TACC1: variants seen among roughly 807,000 people sequenced by gnomAD.
TACC1 encodes transforming acidic coiled-coil containing protein 1.
Under a neutral mutation model 84.4 loss-of-function variants are expected in TACC1, and 48 were observed. That is an observed-to-expected ratio of 0.57 (90% CI 0.45 to 0.72). TACC1 has a LOEUF of 0.72. Ranked by LOEUF, TACC1 falls within the 30% of genes least tolerant of loss-of-function variation. The pLI, the probability that TACC1 is intolerant of heterozygous loss-of-function variation, is 0.00. For missense variants in TACC1, 920 were observed against 973.0 expected (o/e 0.95, Z 0.72); for synonymous variants, 372 against 376.3 (o/e 0.99, Z 0.13).
chr8:38,843,468 C>CA, intron 11 of TACC1, 73 bp downstream of exon 11: 1 of 1,109,104 alleles, frequency 9.0e-7, no homozygotes. Flanking sequence ...AACAAAATCA[C>CA]TGTTTCGCAA....
chr8:38,840,735 A>G (rs1831104108), intron 9 of TACC1: 1 of 153,374 alleles, frequency 6.5e-6, no homozygotes, highest in Admixed American at 6.5e-5. Context: ...GTTGCTGCAA[A>G]CACTGAGTTA....
At chr8:38,741,460 A>G (rs760606118) in intron 1 of TACC1, among the ~76,000 whole-genome samples, 5 of 152,308 alleles carry the variant, frequency 3.3e-5, no homozygotes, top group South Asian at 2.1e-4. Flanking sequence ...CGCCTGGCCC[A>G]TGCTGTTATT....
chr8:38,769,956 TGTGA>T (rs951263661), intron 3 of TACC1, among the ~76,000 whole-genome samples: 1 of 150,570 alleles, frequency 6.6e-6, no homozygotes, highest in African/African-American at 2.4e-5. Context: ...GGTGTGTGTG[TGTGA>T]GAGAGAGTGG....
At chr8:38,742,155 G>C (rs1034719578) in intron 1 of TACC1, among the ~76,000 whole-genome samples, 1 of 152,216 alleles carries the variant, frequency 6.6e-6, no homozygotes, top group Non-Finnish European at 1.5e-5. Flanking sequence ...CCTTGAAATG[G>C]AGGAACAAAG....
At chr8:38,811,075 G>A (rs1405845946) in intron 2 of TACC1, among the ~76,000 whole-genome samples, 3 of 151,318 alleles carry the variant, frequency 2.0e-5, no homozygotes, top group East Asian at 2.0e-4. Context: ...CCGGGATCAC[G>A]CTACAGTATT....
intron 3 of TACC1, among the ~76,000 whole-genome samples, chr8:38,776,236 C>T (rs1186124199): frequency 6.6e-6 from 1 of 152,174 alleles, no homozygotes. Flanking sequence ...CCACATCAGT[C>T]ATCTTTAAAA....
At chr8:38,798,111 TCTTTTTATTTTTCTTC>T (rs1587773639) in intron 2 of TACC1, among the ~76,000 whole-genome samples, 1 of 150,806 alleles carries the variant, frequency 6.6e-6, no homozygotes. Context: ...GGTTTGGGTC[TCTTTTTATTTTTCTTC>T]CTTTTTTTTT....
At chr8:38,845,515 A>AAT (rs548019987) in intron 11 of TACC1, among the ~76,000 whole-genome samples, 20 of 152,230 alleles carry the variant, frequency 1.3e-4, no homozygotes, top group Non-Finnish European at 2.6e-4. Context: ...TTTTTCCCTT[A>AAT]ATAGCATATC....
At chr8:38,753,392 C>T (rs530436443) in intron 3 of TACC1, among the ~76,000 whole-genome samples, 1 of 152,284 alleles carries the variant, frequency 6.6e-6, no homozygotes, top group Admixed American at 6.5e-5. Flanking sequence ...GTGTGAGCCA[C>T]CATGTCCAGC....
exon 3 of TACC1, chr8:38,745,327 G>T: frequency 1.9e-6 from 1 of 536,358 alleles, no homozygotes; most frequent in Admixed American, 3.6e-5. Flanking sequence ...ACACTCATCA[G>T]AGAAAAAGAA....
intron 1 of TACC1, among the ~76,000 whole-genome samples, chr8:38,736,489 G>A (rs1805987308): frequency 6.6e-6 from 1 of 152,092 alleles, no homozygotes; most frequent in South Asian, 2.1e-4. Flanking sequence ...GGTAGCACAC[G>A]CCTGTAGTCC....
chr8:38,842,298 AG>A lies in TACC1; in HGVS notation c.1974del (p.Thr659GlnfsTer3). 6.2e-7 allele frequency: 1 copy of A among 1,605,432 alleles called. No homozygotes were observed. Among genetic ancestry groups the A allele is most frequent in the Non-Finnish European group, 8.5e-7 (1 of 1,177,948 alleles). On this transcript the variant is annotated frameshift_variant, in exon 10 of 13. Transcript: ENST00000317827. LOFTEE classifies it high-confidence loss of function. ...TIAQMIEDEQ[R>X]TSMTSQKSFQ... ...CTTGTGATTCCCAGAAGATGAACAAAGGACAAGTATGACCTCTCAGAAGAGC... is the reference window on the plus strand; with the variant it reads ...CTTGTGATTCCCAGAAGATGAACAAAGACAAGTATGACCTCTCAGAAGAGC...
At position 38,820,251 on chromosome 8, in the gene TACC1, C is replaced by T; in HGVS notation, c.1007C>T (p.Ala336Val). Residue 336 changes from alanine (A) to valine (V), a missense_variant, in exon 3 of 13, where the codon GCC becomes GTC. Transcript: ENST00000317827. ...EDTGNIEARK[A>V]LPRKLGRKLG... is the part of the protein sequence containing the mutation. ...ACAGGAAACATAGAGGCCAGGAAAG[C>T]CCTTCCAAGGAAGCTTGGCAGGAAA... 1.2e-6 allele frequency: 2 copies of T among 1,614,096 alleles called. No homozygotes were observed. The highest frequency in any genetic ancestry group is 1.1e-5 in the South Asian group (1 of 91,078).
In TACC1 at chr8:38,776,744, C is replaced by T. The variant is rs149497868; in HGVS notation, c.27-11960C>T. Among the ~76,000 whole-genome samples the T allele has an allele frequency of 1.4e-4, 21 of 152,302 alleles. No individual in the cohort carries two copies. The East Asian group carries it at 4.1e-3, about 29-fold the overall frequency. On this transcript the variant is annotated intron_variant, in intron 3 of 14. Coordinates refer to the TACC1 transcript ENST00000518415. ...AGATTGTTGGATTAGGGATGCTCAACCTGTGTAGATTTATCATTTTTAAAA... is the reference window on the plus strand; with the variant it reads ...AGATTGTTGGATTAGGGATGCTCAATCTGTGTAGATTTATCATTTTTAAAA...
chr8:38,786,236 G>C (rs1817116683), upstream of TACC1, among the ~76,000 whole-genome samples: 1 of 152,176 alleles, frequency 6.6e-6, no homozygotes. Flanking sequence ...AGGTGCTTTG[G>C]TGGTTTTGAG....
chr8:38,763,767 T>C (rs1225009293), intron 3 of TACC1, among the ~76,000 whole-genome samples: 1 of 152,240 alleles, frequency 6.6e-6, no homozygotes, highest in Non-Finnish European at 1.5e-5. Context: ...AATATTGTTT[T>C]AATGCTTGCT....
rs756823366 is a variant in TACC1 at position 38,820,290 on chromosome 8, T to C, written c.1046T>C (p.Leu349Pro). ...CTTGGCAGGAAACTGGGTAGCACAC[T>C]GACTCCCAAGATACAAAAAGATGGC... ...RKLGRKLGST[L>P]TPKIQKDGIS... Residue 349 changes from leucine to proline, a missense_variant, in exon 3 of 13, where the codon CTG (leucine) becomes CCG (proline). Around this residue, in one of 2 missense-constraint regions of TACC1, gnomAD observed 762 missense variants for 747.3 expected, o/e 1.02. Transcript: ENST00000317827. 8.1e-6 allele frequency: 13 copies of C among 1,614,006 alleles called. No individual in the cohort carries two copies. The East Asian group carries it at 2.9e-4, about 36-fold the overall frequency.
intron 3 of TACC1, among the ~76,000 whole-genome samples, chr8:38,769,428 TGG>T (rs200661075): frequency 1.7e-5 from 2 of 117,346 alleles, no homozygotes; most frequent in Non-Finnish European, 1.7e-5. Flanking sequence ...CTGTATGAGG[TGG>T]GGGGGTGTGG....
intron 12 of TACC1, among the ~76,000 whole-genome samples, 196 bp from the exon 13 acceptor site, chr8:38,847,759 A>T (rs1832592284): frequency 6.6e-6 from 1 of 152,248 alleles, no homozygotes. Context: ...TACTCAATTT[A>T]AGCATGATTT....
Sources: gnomAD v4.1 joint callset for allele counts (sites outside exome capture counted in the v4.1 genomes callset) on GRCh38, gnomAD v4.1.1 for gene constraint, gnomAD v4.1.1 regional missense constraint, MANE v1.5 for transcripts, NCBI Gene and HGNC (gene_info 2026-07-23, HGNC 2026-07-21) for gene names.